The following ARHGAP24 variants were observed in gnomAD, a reference collection of about 807,000 sequenced individuals.
The protein encoded by ARHGAP24 is rho GTPase-activating protein 24.
A neutral mutation model predicts 76.4 loss-of-function variants in ARHGAP24; 50 were observed. That is an observed-to-expected ratio of 0.65 (90% CI 0.52 to 0.83). The LOEUF (loss-of-function observed/expected upper bound fraction) is 0.83, where lower values mean the gene tolerates loss of function less well. Ranked by LOEUF, ARHGAP24 falls within the 40% of genes least tolerant of loss-of-function variation. ARHGAP24 has a pLI of 0.00. For missense variants in ARHGAP24, 930 were observed against 914.2 expected (o/e 1.02, Z -0.22); for synonymous variants, 345 against 323.3 (o/e 1.07, Z -0.72).
chr4:85,783,756 T>C (rs541134243), intron 3 of ARHGAP24, among the ~76,000 whole-genome samples: 2 of 151,790 alleles, frequency 1.3e-5, no homozygotes, highest in South Asian at 4.1e-4. Flanking sequence ...AAACATATGA[T>C]AGCTATGGGA....
chr4:85,831,586 G>A (rs1170059212), intron 3 of ARHGAP24, among the ~76,000 whole-genome samples: 1 of 152,148 alleles, frequency 6.6e-6, no homozygotes, highest in African/African-American at 2.4e-5. Flanking sequence ...AATGTGTTCA[G>A]AGGGATTATT....
intron 5 of ARHGAP24, among the ~76,000 whole-genome samples, chr4:85,970,644 GC>G (rs1328129919): frequency 2.0e-5 from 3 of 152,048 alleles, no homozygotes; most frequent in Non-Finnish European, 4.4e-5. Context: ...CTGCTTCCAT[GC>G]CACCGCTGGG....
chr4:85,532,089 T>C (rs540525959), intron 1 of ARHGAP24, among the ~76,000 whole-genome samples: 31 of 137,904 alleles, frequency 2.2e-4, no homozygotes, highest in African/African-American at 7.6e-4. Flanking sequence ...AACTCAGTCA[T>C]GTGCAGTGAC....
At chr4:85,778,962 T>C (rs2110082742) in intron 3 of ARHGAP24, 2 of 985,458 alleles carry the variant, frequency 2.0e-6, no homozygotes, top group Non-Finnish European at 2.4e-6. Context: ...CAGTGACTTA[T>C]AAGGTACTGT....
intron 2 of ARHGAP24, among the ~76,000 whole-genome samples, chr4:85,596,857 C>T (rs575117270): frequency 6.6e-6 from 1 of 152,054 alleles, no homozygotes; most frequent in African/African-American, 2.4e-5. Context: ...TACTGTTTTT[C>T]AACGTTATTC....
At chr4:85,619,967 T>C (rs930811816) in intron 2 of ARHGAP24, among the ~76,000 whole-genome samples, 3 of 152,018 alleles carry the variant, frequency 2.0e-5, no homozygotes, top group African/African-American at 7.2e-5. Flanking sequence ...ATTACATTTA[T>C]TGTTTTGCAT....
intron 2 of ARHGAP24, among the ~76,000 whole-genome samples, chr4:85,599,965 C>T (rs961047219): frequency 2.0e-5 from 3 of 151,934 alleles, no homozygotes; most frequent in Admixed American, 6.6e-5. Flanking sequence ...GTTTGAGCCT[C>T]ATAGAGCTAT....
At position 85,518,825 on chromosome 4, in the gene ARHGAP24, A is replaced by T. The variant is rs368070225; in HGVS notation, c.-21+43266A>T. 1.2e-4 allele frequency among the ~76,000 whole-genome samples: 18 copies of T among 152,290 alleles called. No homozygotes were observed. The South Asian group carries it at 3.1e-3, about 26-fold the overall frequency. On this transcript the variant is annotated intron_variant, in intron 1 of 9. Coordinates refer to ENST00000395184, the MANE Select transcript of ARHGAP24 (RefSeq NM_001025616.3). Reference sequence around the variant, plus strand: ...TATTGTGAATTGTTCTGCTATAAACATGTGTGTGCAAGTAAGTTTTTCGAA... The same window carrying T: ...TATTGTGAATTGTTCTGCTATAAACTTGTGTGTGCAAGTAAGTTTTTCGAA...
rs377706826 is a variant in ARHGAP24 at position 85,662,614 on chromosome 4, T to A, written c.181-59271T>A. Among the ~76,000 whole-genome samples the A allele has an allele frequency of 7.9e-5, 12 of 151,860 alleles. 1 individual carries two copies. The highest frequency in any genetic ancestry group is 1.7e-4 in the African/African-American group (7 of 41,210). On this transcript the variant is annotated intron_variant, in intron 2 of 9. Coordinates refer to ENST00000395184, the MANE Select transcript of ARHGAP24 (RefSeq NM_001025616.3). Reference sequence around the variant, plus strand: ...GCCCATGCCTATGTCCTGAATGGTATTGCCTAGGTTTTCTTCTAGGGTTTT... The same window carrying A: ...GCCCATGCCTATGTCCTGAATGGTAATGCCTAGGTTTTCTTCTAGGGTTTT...
intron 2 of ARHGAP24, among the ~76,000 whole-genome samples, chr4:85,680,526 A>G (rs949623628): frequency 6.6e-6 from 1 of 152,074 alleles, no homozygotes; most frequent in Non-Finnish European, 1.5e-5. Context: ...CCCAGGAGTT[A>G]TGGCTTCTTC....
intron 3 of ARHGAP24, among the ~76,000 whole-genome samples, chr4:85,906,002 C>T (rs1734750988): frequency 6.6e-6 from 1 of 152,132 alleles, no homozygotes; most frequent in Admixed American, 6.5e-5. Flanking sequence ...AAGGTCACTG[C>T]TAAGCTGTAT....
intron 2 of ARHGAP24, among the ~76,000 whole-genome samples, chr4:85,589,440 T>C (rs1727995752): frequency 6.6e-6 from 1 of 152,224 alleles, no homozygotes; most frequent in Admixed American, 6.5e-5. Context: ...TGCCAGAGGA[T>C]AGGAGATGGT....
chr4:85,583,076 T>C (rs976662569), intron 2 of ARHGAP24, among the ~76,000 whole-genome samples: 3 of 152,118 alleles, frequency 2.0e-5, no homozygotes, highest in African/African-American at 7.2e-5. Context: ...TGTCAAAAAA[T>C]TTGAAAATTT....
At chr4:85,939,294 T>C (rs1449521871) in intron 4 of ARHGAP24, among the ~76,000 whole-genome samples, 1 of 152,182 alleles carries the variant, frequency 6.6e-6, no homozygotes, top group Admixed American at 6.5e-5. Flanking sequence ...ATATTTTTAA[T>C]TATGAGAAAA....
rs1560617432 is a variant in ARHGAP24, at chr4:85,755,641, G to GTTTGTTT, written c.268+33672_268+33673insGTTTTTT. Among the ~76,000 whole-genome samples the GTTTGTTT allele has an allele frequency of 1.8e-3, 207 of 113,338 alleles. 35 individuals are homozygous for GTTTGTTT. The highest frequency in any genetic ancestry group is 6.3e-3 in the Middle Eastern group (1 of 158). 74.4% of individuals were successfully genotyped at this position (113,338 alleles called of 152,430 possible). A position where few individuals can be genotyped will look rare whatever the true frequency, so the allele number is the denominator to read the frequency against. ...CTATTCTTTTGTTTTGTTTTGTTTT[G>GTTTGTTT]TTTTGTTTTGAGACGGAGTCTCGTT... On this transcript the variant is annotated intron_variant, in intron 3 of 9. Transcript: ENST00000395184.
intron 1 of ARHGAP24, among the ~76,000 whole-genome samples, chr4:85,529,412 GA>G (rs1227850105): frequency 6.6e-6 from 1 of 152,016 alleles, no homozygotes; most frequent in African/African-American, 2.4e-5. Flanking sequence ...TGCTGATTAA[GA>G]ATAAAATATT....
intron 1 of ARHGAP24, among the ~76,000 whole-genome samples, chr4:85,476,122 G>A (rs1240589073): frequency 6.7e-6 from 1 of 150,062 alleles, no homozygotes; most frequent in Non-Finnish European, 1.5e-5. Context: ...AACACAAAAC[G>A]TTAGGGAATC....
At chr4:85,781,288 A>C (rs1727543043) in intron 3 of ARHGAP24, among the ~76,000 whole-genome samples, 1 of 152,218 alleles carries the variant, frequency 6.6e-6, no homozygotes, top group Non-Finnish European at 1.5e-5. Context: ...AATATATGAC[A>C]ATATGTGTTT....
chr4:85,786,446 C>A (rs1340740930), intron 3 of ARHGAP24, among the ~76,000 whole-genome samples: 1 of 152,174 alleles, frequency 6.6e-6, no homozygotes, highest in African/African-American at 2.4e-5. Flanking sequence ...CTTTGAACTT[C>A]TGTAGCTCTT....
Sources: gnomAD v4.1 joint callset for allele counts (sites outside exome capture counted in the v4.1 genomes callset) on GRCh38, gnomAD v4.1.1 for gene constraint, MANE v1.5 for transcripts, NCBI Gene and HGNC (gene_info 2026-07-23, HGNC 2026-07-21) for gene names.